The following TIAL1 variants were observed in gnomAD, a reference collection of about 807,000 sequenced individuals.
The protein encoded by TIAL1 is TIA1 cytotoxic granule associated RNA binding protein like 1.
In TIAL1, 7 loss-of-function variants were observed where a neutral mutation model predicts 59.7. The observed-to-expected ratio is 0.12, with a 90% CI of 0.07 to 0.22. The LOEUF (loss-of-function observed/expected upper bound fraction) is 0.22. Ranked by LOEUF, TIAL1 falls within the 10% of genes least tolerant of loss-of-function variation. The probability of loss-of-function intolerance (pLI) is 1.00; values close to 1 mark genes in which losing one functional copy is unlikely to be tolerated. For missense variants in TIAL1, 225 were observed against 462.5 expected, an observed-to-expected ratio of 0.49 and a Z score of 4.71; for synonymous variants, 149 against 146.3, an observed-to-expected ratio of 1.02 and a Z score of -0.13.
At chr10:119,595,438 A>T (rs1438692197) in intron 1 of TIAL1, among the ~76,000 whole-genome samples, 2 of 44,182 alleles carry the variant, frequency 4.5e-5, no homozygotes, top group African/African-American at 1.7e-4. Context: ...ATTCAGACTT[A>T]AAAAAAAAAA....
chr10:119,581,668 C>A, intron 5 of TIAL1: 1 of 312,386 alleles, frequency 3.2e-6, no homozygotes, highest in Admixed American at 4.5e-5. Context: ...TCAAAGATAA[C>A]AAACAGAATC....
At chr10:119,575,818 G>A (rs754691601) in intron 11 of TIAL1, 27 bp from the exon 12 acceptor site, 28 of 1,484,578 alleles carry the variant, frequency 1.9e-5, no homozygotes, top group South Asian at 8.4e-5. Context: ...AAAATCTTCA[G>A]CAAACACAAG....
At chr10:119,588,008 A>C (rs72840745) in intron 2 of TIAL1, 144 bp downstream of exon 2, 26,497 of 459,526 alleles carry the variant, frequency 0.058, 1,027 homozygotes, top group Non-Finnish European at 0.078. Context: ...TTCTAAGCCT[A>C]GTTTGTCAGC....
chr10:119,590,766 A>AAGAC (rs775353956), intron 1 of TIAL1, among the ~76,000 whole-genome samples: 1 of 56,490 alleles, frequency 1.8e-5, no homozygotes, highest in Non-Finnish European at 3.3e-5. Context: ...GAAAGAGAGA[A>AAGAC]AGAAAGAAAG....
Position 119,577,727 on chromosome 10 carries a change from T to G in TIAL1, c.566A>C (p.Lys189Thr). 1 of 1,613,746 alleles carries G rather than the reference T, an allele frequency of 6.2e-7. No homozygotes were observed. The highest frequency in any genetic ancestry group is 8.5e-7 in the Non-Finnish European group (1 of 1,179,616). ...APKSTQENNT[K>T]QLRFEDVVNQ... Reference sequence around the variant, plus strand: ...TACTACATCTTCAAATCTCAACTGCTTAGTGTTGTCTGTATGCAGAAACAA... The same window carrying G: ...TACTACATCTTCAAATCTCAACTGCGTAGTGTTGTCTGTATGCAGAAACAA... The change falls in exon 8 of 12, where the codon AAG becomes ACG. Residue 189 changes from lysine to threonine, a missense_variant. Transcript: ENST00000436547.
Position 119,578,686 on chromosome 10 carries a change from G to A in TIAL1, c.556+40C>T, listed in dbSNP as rs747903048. ...ATGAATACATGATACATGATTTTGT[G>A]AAGAATATAATTTTAACACACACAG... is the stretch of plus-strand genomic sequence containing the variant. On this transcript the variant is annotated intron_variant, in intron 7 of 11. Transcript: ENST00000436547. The A allele has an allele frequency of 3.4e-6, 5 of 1,474,630 alleles. No homozygotes were observed. In the Admixed American group the frequency reaches 5.0e-5, roughly 15 times the overall value. 91.3% of individuals were successfully genotyped at this position (1,474,630 alleles called of 1,614,324 possible).
At chr10:119,585,206 G>GA (rs1468404265) in intron 2 of TIAL1, among the ~76,000 whole-genome samples, 1 of 151,662 alleles carries the variant, frequency 6.6e-6, no homozygotes. Context: ...GGAGGATGAG[G>GA]CAGAGGCAGG....
Position 119,576,762 on chromosome 10 carries a change from C to T in TIAL1, c.862-12G>A. ...TGACTATAGTCAACCTAGGAAAAAGCAAAGTATTGTTTTAGGGAACACATA... is the reference window on the plus strand; with the variant it reads ...TGACTATAGTCAACCTAGGAAAAAGTAAAGTATTGTTTTAGGGAACACATA... On this transcript the variant is annotated splice_polypyrimidine_tract_variant and intron_variant, in intron 10 of 11. Coordinates refer to ENST00000436547, the MANE Select transcript of TIAL1 (RefSeq NM_003252.4). 1 of 1,611,592 alleles carries T rather than the reference C, an allele frequency of 6.2e-7. No individual in the cohort carries two copies. Among genetic ancestry groups the T allele is most frequent in the Non-Finnish European group, 8.5e-7 (1 of 1,179,386 alleles).
At chr10:119,585,719 C>T (rs894037425) in intron 2 of TIAL1, among the ~76,000 whole-genome samples, 1 of 152,190 alleles carries the variant, frequency 6.6e-6, no homozygotes, top group Admixed American at 6.5e-5. Flanking sequence ...TCCCCACTTT[C>T]TCACAACCCG....
rs539500226 is a variant in TIAL1, at chr10:119,592,802, CTTACT to C, written c.32+3627_32+3631del. Among the ~76,000 whole-genome samples the C allele has an allele frequency of 2.4e-4, 36 of 152,056 alleles. 1 individual carries two copies. In the South Asian group the frequency reaches 4.4e-3, roughly 18 times the overall value. On this transcript the variant is annotated intron_variant, in intron 1 of 11. Transcript: ENST00000436547. The stretch of plus-strand genomic sequence containing the variant: ...ACACACACACACTCACTCTCTCTCT[CTTACT>C]TTAAAGAAACAAAGAATATGATTAA...
chr10:119,581,384 C>T (rs1845299078), intron 5 of TIAL1, among the ~76,000 whole-genome samples: 1 of 151,922 alleles, frequency 6.6e-6, no homozygotes, highest in South Asian at 2.1e-4. Flanking sequence ...TACATTGAAA[C>T]ATTTTAATAG....
At chr10:119,590,762 G>GAAAGAAAGAA (rs1845818266) in intron 1 of TIAL1, among the ~76,000 whole-genome samples, 4 of 125,398 alleles carry the variant, frequency 3.2e-5, no homozygotes, top group South Asian at 2.7e-4. Flanking sequence ...GAGAGAAAGA[G>GAAAGAAAGAA]AGAAAGAAAG....
chr10:119,577,237 AT>A, intron 9 of TIAL1, 34 bp from the exon 10 acceptor site: 1 of 1,575,902 alleles, frequency 6.3e-7, no homozygotes, highest in Non-Finnish European at 8.6e-7. Context: ...TTTGTCTTTT[AT>A]TTTTTAAGAA....
intron 11 of TIAL1, among the ~76,000 whole-genome samples, chr10:119,576,395 C>T (rs986502522): frequency 6.6e-6 from 1 of 152,160 alleles, no homozygotes; most frequent in Non-Finnish European, 1.5e-5. Flanking sequence ...TCATAGGACA[C>T]ACTAAATGTT....
rs1257478577 is a variant in TIAL1 at position 119,574,015 on chromosome 10, G to A, written c.*1650C>T. On this transcript the variant is annotated 3_prime_UTR_variant, in exon 12 of 12. Coordinates refer to ENST00000436547, the MANE Select transcript of TIAL1 (RefSeq NM_003252.4). Reference sequence around the variant, plus strand: ...TCAAATGTTTAGAAAACAGTAATTTGTGGGTACTAATCGCATCTTACTATG... The same window carrying A: ...TCAAATGTTTAGAAAACAGTAATTTATGGGTACTAATCGCATCTTACTATG... 1 of 152,618 alleles carries A rather than the reference G, an allele frequency of 6.6e-6. No individual in the cohort carries two copies. The highest frequency in any genetic ancestry group is 2.4e-5 in the African/African-American group (1 of 41,444). The allele number at this position is 152,618 out of a possible 1,614,324, so 9.5% of individuals were successfully genotyped here. A position where few individuals can be genotyped will look rare whatever the true frequency, so the allele number is the denominator to read the frequency against.
At chr10:119,580,218 CCTA>C (rs1168837722) in intron 5 of TIAL1, 8 of 475,180 alleles carry the variant, frequency 1.7e-5, no homozygotes, top group Non-Finnish European at 2.5e-5. Context: ...AAACATGCAA[CCTA>C]ATCAAATAGC....
rs767442339 is a variant in TIAL1 at position 119,576,639 on chromosome 10, G to A, written c.973C>T (p.Pro325Ser). 6.2e-7 allele frequency: 1 copy of A among 1,613,954 alleles called. No individual in the cohort carries two copies. Among genetic ancestry groups the A allele is most frequent in the Non-Finnish European group, 8.5e-7 (1 of 1,179,972 alleles). Residue 325 changes from proline (P) to serine (S), a missense_variant, in exon 11 of 12, where the codon CCA becomes TCA. Transcript: ENST00000436547. ...ACTCCAAATCCTTGTTGATTCCATG[G>A]TTGCCCGTATACTCCATAAGGCGGT... ...QVPPYGVYGQ[P>S]WNQQGFGVDQ...
At chr10:119,589,283 G>A (rs550685752) in intron 1 of TIAL1, among the ~76,000 whole-genome samples, 25 of 152,302 alleles carry the variant, frequency 1.6e-4, no homozygotes, top group African/African-American at 5.1e-4. Flanking sequence ...TCAGCTCACT[G>A]CAACCTCCGC....
Position 119,596,601 on chromosome 10 carries a change from T to A in TIAL1, c.-136A>T, listed in dbSNP as rs1378019851. ...AAGGCACCGAACCCTGCTCTCGGGC[T>A]CTCTCCCCCCAGCCCGCTCCGGACA... On this transcript the variant is annotated 5_prime_UTR_variant, in exon 1 of 12. Transcript: ENST00000436547. 1 of 692,316 alleles carries A rather than the reference T, an allele frequency of 1.4e-6. No individual in the cohort carries two copies. The highest frequency in any genetic ancestry group is 1.8e-5 in the African/African-American group (1 of 55,782). The allele number at this position is 692,316 out of a possible 1,614,324, so 42.9% of individuals were successfully genotyped here.
Sources: allele counts gnomAD v4.1 joint callset (sites outside exome capture counted in the v4.1 genomes callset), GRCh38; gene constraint gnomAD v4.1.1; transcripts MANE v1.5; gene names NCBI Gene and HGNC (gene_info 2026-07-23, HGNC 2026-07-21).